Variants in LRRCC1 observed in about 807,000 individuals in gnomAD.
LRRCC1 encodes leucine-rich repeat and coiled-coil domain-containing protein 1.
A neutral mutation model predicts 126.0 loss-of-function variants in LRRCC1; 115 were observed. The ratio of observed to expected loss-of-function variants is 0.91; its 90% CI spans 0.78 to 1.07. LRRCC1 has a LOEUF of 1.07. LRRCC1 is among the 50% of genes least tolerant of loss of function. LRRCC1 has a pLI of 0.00. For missense variants in LRRCC1, 1,172 were observed against 1,175.7 expected, an observed-to-expected ratio of 1.00 and a Z score of 0.05; for synonymous variants, 400 against 393.4, an observed-to-expected ratio of 1.02 and a Z score of -0.20.
intron 17 of LRRCC1, among the ~76,000 whole-genome samples, chr8:85,140,491 G>A (rs974266425): frequency 7.2e-5 from 11 of 152,072 alleles, no homozygotes; most frequent in Admixed American, 5.9e-4. Context: ...ACTGATTGCT[G>A]TACTAAAACC....
At chr8:85,141,354 T>C (rs1288487506) in intron 17 of LRRCC1, 28 bp from the exon 18 acceptor site, 2 of 1,592,638 alleles carry the variant, frequency 1.3e-6, no homozygotes, top group Non-Finnish European at 1.7e-6. Flanking sequence ...TATACACATA[T>C]ATATGTGGAT....
At chr8:85,125,365 C>T (rs1809894562) in intron 8 of LRRCC1, among the ~76,000 whole-genome samples, 1 of 152,142 alleles carries the variant, frequency 6.6e-6, no homozygotes, top group African/African-American at 2.4e-5. Context: ...TTTTGGACCA[C>T]TGGATCCCAG....
intron 7 of LRRCC1, 61 bp from the exon 8 acceptor site, chr8:85,124,731 T>A: frequency 9.2e-7 from 1 of 1,083,524 alleles, no homozygotes; most frequent in Non-Finnish European, 1.3e-6. Flanking sequence ...AATGTTAATT[T>A]AGAGAAAAGT....
In LRRCC1 at chr8:85,138,185, C is replaced by G. The variant is rs751660410; in HGVS notation, c.2644C>G (p.Leu882Val). ...LERHNERKEKLKQQLKGKEVE... is the reference protein window; with the variant it reads ...LERHNERKEKVKQQLKGKEVE... ...AAGGCACAATGAAAGAAAAGAAAAA[C>G]TAAAACAACAGTTGAAAGGAAAGGA... is the stretch of plus-strand genomic sequence containing the variant. The change falls in exon 16 of 19, where the codon CTA becomes GTA. Residue 882 changes from leucine to valine, a missense_variant. Leu to Val is a conservative substitution (Grantham distance 32). Coordinates refer to ENST00000360375, the MANE Select transcript of LRRCC1 (RefSeq NM_033402.5). 1.9e-6 allele frequency: 3 copies of G among 1,611,782 alleles called. No individual in the cohort carries two copies. Among genetic ancestry groups the G allele is most frequent in the Non-Finnish European group, 2.5e-6 (3 of 1,179,088 alleles).
At position 85,131,896 on chromosome 8, in the gene LRRCC1, C is replaced by A; in HGVS notation, c.1903C>A (p.Gln635Lys). ...AGAGAAAATTGACGTGTTAAGCCAG[C>A]AGTATATGGATTTAGAAAATGAATT... ...YQEKIDVLSQ[Q>K]YMDLENEFRI... Residue 635 changes from glutamine (Q) to lysine (K), a missense_variant, in exon 12 of 19, where the codon CAG (glutamine) becomes AAG (lysine). Coordinates refer to ENST00000360375, the MANE Select transcript of LRRCC1 (RefSeq NM_033402.5). 6.2e-7 allele frequency: 1 copy of A among 1,613,780 alleles called. No homozygotes were observed. Among genetic ancestry groups the A allele is most frequent in the Non-Finnish European group, 8.5e-7 (1 of 1,179,822 alleles).
chr8:85,141,666 A>G lies in LRRCC1; in HGVS notation c.2976+149A>G, dbSNP rs189704532. The G allele has an allele frequency of 5.9e-3, 3,470 of 592,432 alleles. 25 individuals are homozygous for G. Among genetic ancestry groups the G allele is most frequent in the Admixed American group, 7.9e-3 (229 of 28,842 alleles). 36.7% of individuals were successfully genotyped at this position (592,432 alleles called of 1,614,324 possible). A position where few individuals can be genotyped will look rare whatever the true frequency, so the allele number is the denominator to read the frequency against. Reference sequence around the variant, plus strand: ...ATGTTACCAAAACTATCCTAAAACCAGGGTAAAACGTTGGTAATACTTAGA... The same window carrying G: ...ATGTTACCAAAACTATCCTAAAACCGGGGTAAAACGTTGGTAATACTTAGA... On this transcript the variant is annotated intron_variant, in intron 18 of 18. Transcript: ENST00000360375.
chr8:85,130,048 C>A lies in LRRCC1; in HGVS notation c.1756C>A (p.Gln586Lys). The A allele has an allele frequency of 6.3e-7, 1 of 1,575,080 alleles. No homozygotes were observed. The stretch of plus-strand genomic sequence containing the variant: ...TCATCAACTTCTTGCATTGAAAGAA[C>A]AGGAACACAGGTAAATGAAAAATGT... ...QLHQLLALKEQEHRKELETRE... is the reference protein window; with the variant it reads ...QLHQLLALKEKEHRKELETRE... Residue 586 changes from glutamine (Q) to lysine (K), a missense_variant, in exon 11 of 19, where the codon CAG becomes AAG. Coordinates refer to ENST00000360375, the MANE Select transcript of LRRCC1 (RefSeq NM_033402.5).
intron 7 of LRRCC1, 102 bp downstream of exon 7, chr8:85,123,708 T>C (rs1809749757): frequency 1.1e-6 from 1 of 869,956 alleles, no homozygotes. Flanking sequence ...TTACTAATGT[T>C]GAAGATTTGA....
chr8:85,135,601 A>G (rs1007769996), intron 13 of LRRCC1, among the ~76,000 whole-genome samples, 188 bp from the exon 14 acceptor site: 10 of 152,118 alleles, frequency 6.6e-5, no homozygotes, highest in Non-Finnish European at 1.5e-4. Context: ...AAGGAGTGGT[A>G]TCTTAAATTC....
intron 12 of LRRCC1, among the ~76,000 whole-genome samples, chr8:85,133,831 A>C (rs1810667000): frequency 6.6e-6 from 1 of 152,186 alleles, no homozygotes; most frequent in African/African-American, 2.4e-5. Flanking sequence ...GTTTATGCCA[A>C]ACACAGCAGC....
At chr8:85,137,037 G>C (rs1810924961) in intron 14 of LRRCC1, among the ~76,000 whole-genome samples, 1 of 152,170 alleles carries the variant, frequency 6.6e-6, no homozygotes, top group Admixed American at 6.5e-5. Context: ...ATGTTGGCCA[G>C]GCTGGTTTCA....
rs763002033 is a variant in LRRCC1, at chr8:85,115,281, G to C, written c.720+6G>C. 1 of 1,579,464 alleles carries C rather than the reference G, an allele frequency of 6.3e-7. No homozygotes were observed. Among genetic ancestry groups the C allele is most frequent in the East Asian group, 2.2e-5 (1 of 44,648 alleles). On this transcript the variant is annotated splice_donor_region_variant and intron_variant, in intron 5 of 18. Coordinates refer to ENST00000360375, the MANE Select transcript of LRRCC1 (RefSeq NM_033402.5). ...TAAATATAAGTGAAGATGAGGTATA[G>C]TATTTACTTTTTTTTTCCTAATATA... is the stretch of plus-strand genomic sequence containing the variant.
intron 3 of LRRCC1, among the ~76,000 whole-genome samples, chr8:85,111,194 A>G (rs747616730): frequency 2.0e-5 from 3 of 152,138 alleles, no homozygotes; most frequent in Non-Finnish European, 2.9e-5. Flanking sequence ...CCTGACCAAC[A>G]TGGAGAAACC....
intron 9 of LRRCC1, among the ~76,000 whole-genome samples, 160 bp downstream of exon 9, chr8:85,126,997 C>T (rs1810062997): frequency 6.6e-6 from 1 of 152,116 alleles, no homozygotes; most frequent in Admixed American, 6.6e-5. Context: ...ACTTTATTAG[C>T]TTGTTATATC....
intron 1 of LRRCC1, chr8:85,109,202 G>A (rs1315662568): frequency 5.7e-6 from 1 of 173,970 alleles, no homozygotes; most frequent in Non-Finnish European, 1.2e-5. Flanking sequence ...GAAAACTGAG[G>A]CTCAGGTTGT....
At position 85,126,603 on chromosome 8, in the gene LRRCC1, A is replaced by T. The variant is rs1008933709; in HGVS notation, c.1273-86A>T. The T allele has an allele frequency of 4.8e-5, 54 of 1,121,850 alleles. 1 individual carries two copies. The Middle Eastern group carries it at 6.0e-4, about 13-fold the overall frequency. 69.5% of individuals were successfully genotyped at this position (1,121,850 alleles called of 1,614,324 possible). ...GTAGCTCTTTGAAGTAGGTACTATT[A>T]TTCCCCTGTTATAAATGGGAAAATT... On this transcript the variant is annotated intron_variant, in intron 8 of 18. Transcript: ENST00000360375.
intron 3 of LRRCC1, among the ~76,000 whole-genome samples, chr8:85,111,916 G>A (rs1450443688): frequency 6.6e-6 from 1 of 151,206 alleles, no homozygotes; most frequent in Non-Finnish European, 1.5e-5. Flanking sequence ...GCTCTGGGGT[G>A]CAGTGGTGTG....
intron 8 of LRRCC1, among the ~76,000 whole-genome samples, chr8:85,125,440 G>C (rs1172032769): frequency 6.6e-6 from 1 of 151,718 alleles, no homozygotes; most frequent in Non-Finnish European, 1.5e-5. Context: ...TTGGGAGGCC[G>C]AGGCGGGCGG....
chr8:85,126,608 C>T, intron 8 of LRRCC1, 81 bp from the exon 9 acceptor site: 1 of 1,192,928 alleles, frequency 8.4e-7, no homozygotes, highest in Non-Finnish European at 1.2e-6. Flanking sequence ...CTATTATTCC[C>T]CTGTTATAAA....
Sources: gnomAD v4.1 joint callset for allele counts (sites outside exome capture counted in the v4.1 genomes callset) on GRCh38, gnomAD v4.1.1 for gene constraint, MANE v1.5 for transcripts, NCBI Gene and HGNC (gene_info 2026-07-23, HGNC 2026-07-21) for gene names.